DOCK4: variants seen among roughly 807,000 people sequenced by gnomAD.
DOCK4 encodes the protein dedicator of cytokinesis 4, also known as dedicator of cytokinesis protein 4.
In DOCK4, 97 loss-of-function variants were observed where a neutral mutation model predicts 268.1. The ratio of observed to expected loss-of-function variants is 0.36; its 90% confidence interval spans 0.31 to 0.43. The LOEUF (loss-of-function observed/expected upper bound fraction) is 0.43. Among genes scored for constraint, DOCK4 ranks in the 20% least tolerant of loss-of-function variants. The pLI, the probability that DOCK4 is intolerant of heterozygous loss-of-function variation, is 1.00. For synonymous variants in DOCK4, 954 were observed against 887.2 expected (o/e 1.08, Z -1.34); for missense variants, 2,145 against 2,455.7 (o/e 0.87, Z 2.67).
Position 111,780,513 on chromosome 7 carries a change from T to G in DOCK4, c.3586-2144A>C, listed in dbSNP as rs578161123. Among the ~76,000 whole-genome samples, 7 of 152,264 alleles carry G rather than the reference T, an allele frequency of 4.6e-5. No homozygotes were observed. In the East Asian group the frequency reaches 5.8e-4, roughly 13 times the overall value. On this transcript the variant is annotated intron_variant, in intron 35 of 52. Coordinates refer to ENST00000428084, the MANE Select transcript of DOCK4 (RefSeq NM_001363540.2). ...GCAGCTTTGAGAACAAAACAAGCAATCACTCTAAATAAATAGTTCTCTTAA... is the reference window on the plus strand; with the variant it reads ...GCAGCTTTGAGAACAAAACAAGCAAGCACTCTAAATAAATAGTTCTCTTAA...
chr7:112,140,761 A>C (rs533778006), intron 1 of DOCK4, among the ~76,000 whole-genome samples: 12 of 152,236 alleles, frequency 7.9e-5, no homozygotes, highest in Middle Eastern at 3.4e-3. Flanking sequence ...GAATCAAAGA[A>C]GGCTTTGGGA....
chr7:112,123,116 T>C (rs1243258667), intron 1 of DOCK4, among the ~76,000 whole-genome samples: 3 of 152,172 alleles, frequency 2.0e-5, no homozygotes, highest in Admixed American at 1.3e-4. Context: ...GTTAAAGGGA[T>C]TGCGAGGGAG....
intron 1 of DOCK4, among the ~76,000 whole-genome samples, chr7:112,118,632 C>T (rs1020204693): frequency 6.6e-6 from 1 of 152,130 alleles, no homozygotes; most frequent in Admixed American, 6.5e-5. Flanking sequence ...CCCCTTCCTA[C>T]GTTTTTCCCT....
At chr7:111,899,100 T>C (rs6466390) in intron 15 of DOCK4, among the ~76,000 whole-genome samples, 70,347 of 152,014 alleles carry the variant, frequency 0.46, 17,732 homozygotes, top group African/African-American at 0.68. Context: ...TTCTGGGAAT[T>C]TGGAAGAATT....
intron 1 of DOCK4, among the ~76,000 whole-genome samples, chr7:112,004,658 C>G (rs965173045): frequency 1.3e-5 from 2 of 152,130 alleles, no homozygotes; most frequent in African/African-American, 2.4e-5. Context: ...CATTACGTGC[C>G]CAGAGCCTAG....
intron 36 of DOCK4, among the ~76,000 whole-genome samples, chr7:111,772,057 A>G (rs1330943098): frequency 2.6e-5 from 4 of 152,196 alleles, no homozygotes; most frequent in Non-Finnish European, 4.4e-5. Context: ...TGAAAGTCAA[A>G]TTTACAGAGA....
At position 111,784,579 on chromosome 7, in the gene DOCK4, T is replaced by C. The variant is rs975534276; in HGVS notation, c.3402-456A>G. ...GTCACTAATCACAGAGGATTTTCCATGTGGTTGTTACAGCAGATTGATGAC... is the reference window on the plus strand; with the variant it reads ...GTCACTAATCACAGAGGATTTTCCACGTGGTTGTTACAGCAGATTGATGAC... On this transcript the variant is annotated intron_variant, in intron 32 of 52. Transcript: ENST00000428084. 1.1e-4 allele frequency: 47 copies of C among 421,368 alleles called. 1 individual carries two copies. Among genetic ancestry groups the C allele is most frequent in the South Asian group, 2.3e-4 (13 of 57,436 alleles). 26.1% of individuals were successfully genotyped at this position (421,368 alleles called of 1,614,324 possible).
chr7:111,939,185 T>C (rs1794997513), intron 11 of DOCK4, among the ~76,000 whole-genome samples: 1 of 151,906 alleles, frequency 6.6e-6, no homozygotes, highest in African/African-American at 2.4e-5. Context: ...AATATCTTCA[T>C]CTGGGAAATG....
chr7:111,835,877 C>G (rs972537289), intron 25 of DOCK4, among the ~76,000 whole-genome samples: 1 of 152,130 alleles, frequency 6.6e-6, no homozygotes, highest in Non-Finnish European at 1.5e-5. Flanking sequence ...ACCAGGTACT[C>G]AGGCTAGATC....
intron 1 of DOCK4, among the ~76,000 whole-genome samples, chr7:112,174,678 G>C (rs1047462739): frequency 6.6e-6 from 1 of 151,928 alleles, no homozygotes. Flanking sequence ...CACCACCTTA[G>C]GATAATGCAA....
At chr7:112,192,063 TTG>T (rs60657572) in intron 1 of DOCK4, among the ~76,000 whole-genome samples, 8,449 of 149,056 alleles carry the variant, frequency 0.057, 338 homozygotes, top group Admixed American at 0.13. Context: ...GTGTTTGTGC[TTG>T]TGTGTGTGTA....
intron 44 of DOCK4, among the ~76,000 whole-genome samples, chr7:111,743,371 T>C (rs1216177411): frequency 1.3e-5 from 2 of 152,190 alleles, no homozygotes; most frequent in Admixed American, 6.5e-5. Flanking sequence ...CCCTGGCGGG[T>C]TGGGGCATCC....
chr7:111,908,189 C>T (rs1791757099), intron 13 of DOCK4, among the ~76,000 whole-genome samples: 1 of 152,134 alleles, frequency 6.6e-6, no homozygotes, highest in Non-Finnish European at 1.5e-5. Context: ...TGGCTCACAC[C>T]TGTAATCCCA....
At chr7:112,072,064 C>G (rs1052938878) in intron 1 of DOCK4, among the ~76,000 whole-genome samples, 3 of 152,174 alleles carry the variant, frequency 2.0e-5, no homozygotes, top group Non-Finnish European at 4.4e-5. Context: ...TGTTTGAACA[C>G]CATAGCTATT....
intron 1 of DOCK4, among the ~76,000 whole-genome samples, chr7:112,147,207 G>T (rs1408239799): frequency 6.6e-6 from 1 of 152,104 alleles, no homozygotes; most frequent in African/African-American, 2.4e-5. Flanking sequence ...ATATACACAG[G>T]TGAACAGTAA....
rs777503048 is a variant in DOCK4, at chr7:111,742,046, T to C, written c.4764A>G (p.Gln1588=). 2 of 1,607,506 alleles carry C rather than the reference T, an allele frequency of 1.2e-6. No homozygotes were observed. The highest frequency in any genetic ancestry group is 1.1e-5 in the South Asian group (1 of 89,816). Residue 1588 remains glutamine, a synonymous_variant, in exon 45 of 53, where the codon CAA becomes CAG. Coordinates refer to ENST00000428084, the MANE Select transcript of DOCK4 (RefSeq NM_001363540.2). ...MRPLHKKLVD[Q]FFVMKSSLGI... ...CTAAGCTCGACTTCATCACAAAGAA[T>C]TGGTCAACCAGCTTTTTGTGAAGGG...
intron 34 of DOCK4, 48 bp from the exon 35 acceptor site, chr7:111,782,972 G>A (rs766716080): frequency 6.7e-7 from 1 of 1,482,474 alleles, no homozygotes; most frequent in Non-Finnish European, 9.3e-7. Flanking sequence ...CTTCCTAGGG[G>A]CAAACACAGT....
At chr7:111,734,998 G>A in intron 51 of DOCK4, 56 bp downstream of exon 51, 1 of 1,342,714 alleles carries the variant, frequency 7.4e-7, no homozygotes, top group Non-Finnish European at 1.0e-6. Flanking sequence ...ACAAACTGGA[G>A]TAGTCAATAA....
At chr7:111,743,969 A>T (rs1796101397) in intron 44 of DOCK4, among the ~76,000 whole-genome samples, 1 of 152,104 alleles carries the variant, frequency 6.6e-6, no homozygotes, top group Non-Finnish European at 1.5e-5. Flanking sequence ...ACAGGCATGC[A>T]CCACCACACC....
Sources: gnomAD v4.1 joint callset for allele counts (sites outside exome capture counted in the v4.1 genomes callset) on GRCh38, gnomAD v4.1.1 for gene constraint, MANE v1.5 for transcripts, NCBI Gene and HGNC (gene_info 2026-07-23, HGNC 2026-07-21) for gene names.